Variants in TRHDE observed in about 807,000 individuals in gnomAD.
TRHDE encodes thyrotropin-releasing hormone-degrading ectoenzyme.
In TRHDE, 72 loss-of-function variants were observed where a neutral mutation model predicts 125.7. The ratio of observed to expected loss-of-function variants is 0.57; its 90% CI spans 0.47 to 0.70. The LOEUF (loss-of-function observed/expected upper bound fraction) is 0.70, where lower values mean the gene tolerates loss of function less well. Ranked by LOEUF, TRHDE falls within the 30% of genes least tolerant of loss-of-function variation. TRHDE has a pLI of 0.00. For synonymous variants in TRHDE, 509 were observed against 509.1 expected, an observed-to-expected ratio of 1.00 and a Z score of 0.00; for missense variants, 1,110 against 1,327.1, an observed-to-expected ratio of 0.84 and a Z score of 2.54.
chr12:72,651,068 C>T (rs1404581789), intron 15 of TRHDE, among the ~76,000 whole-genome samples: 3 of 152,074 alleles, frequency 2.0e-5, no homozygotes, highest in Non-Finnish European at 4.4e-5. Context: ...TCTGTGTTTC[C>T]TTTGTTTCAT....
At chr12:72,438,877 C>T (rs1874868125) in intron 3 of TRHDE, among the ~76,000 whole-genome samples, 1 of 151,732 alleles carries the variant, frequency 6.6e-6, no homozygotes, top group Non-Finnish European at 1.5e-5. Flanking sequence ...GAGCATTTCC[C>T]CTTTTAGTAG....
chr12:72,627,756 T>C (rs531206960), intron 15 of TRHDE, among the ~76,000 whole-genome samples: 1 of 151,830 alleles, frequency 6.6e-6, no homozygotes, highest in Non-Finnish European at 1.5e-5. Flanking sequence ...CATAAGTTAC[T>C]TCACCCTCAA....
chr12:72,342,156 T>G (rs914345536), intron 2 of TRHDE, among the ~76,000 whole-genome samples: 3 of 152,248 alleles, frequency 2.0e-5, no homozygotes, highest in Non-Finnish European at 4.4e-5. Flanking sequence ...CAAATTGTGT[T>G]TTACTGTTAT....
intron 3 of TRHDE, among the ~76,000 whole-genome samples, chr12:72,414,851 C>T (rs1179367191): frequency 6.6e-6 from 1 of 152,032 alleles, no homozygotes; most frequent in African/African-American, 2.4e-5. Context: ...ACAACATAGT[C>T]GTGATGGCAG....
intron 3 of TRHDE, among the ~76,000 whole-genome samples, chr12:72,425,109 T>A (rs554467726): frequency 6.6e-6 from 1 of 152,294 alleles, no homozygotes; most frequent in Non-Finnish European, 1.5e-5. Context: ...GATAGCTTTA[T>A]AAAAAGACCA....
rs541153699 is a variant in TRHDE, at chr12:72,363,617, G to C, written c.1189-14378G>C. 1.6e-4 allele frequency among the ~76,000 whole-genome samples: 25 copies of C among 152,024 alleles called. No homozygotes were observed. The South Asian group carries it at 3.7e-3, about 23-fold the overall frequency. On this transcript the variant is annotated intron_variant, in intron 2 of 18. Transcript: ENST00000261180. Reference sequence around the variant, plus strand: ...AATAAATTAGGTACTGATGGGACATGTCTCAAAATAATAAGAGCTATCTAT... The same window carrying C: ...AATAAATTAGGTACTGATGGGACATCTCTCAAAATAATAAGAGCTATCTAT...
At chr12:72,655,051 A>G (rs145720546) in intron 17 of TRHDE, among the ~76,000 whole-genome samples, 211 of 152,190 alleles carry the variant, frequency 1.4e-3, no homozygotes, top group Non-Finnish European at 2.4e-3. Context: ...GTATCAGTGT[A>G]TGGACTAATT....
At chr12:72,413,165 A>G (rs1288731984) in intron 3 of TRHDE, among the ~76,000 whole-genome samples, 1 of 152,082 alleles carries the variant, frequency 6.6e-6, no homozygotes, top group Non-Finnish European at 1.5e-5. Context: ...ACAAATCCAC[A>G]TAAGTGTCAG....
intron 2 of TRHDE, among the ~76,000 whole-genome samples, chr12:72,329,261 TA>T (rs1869473568): frequency 6.6e-6 from 1 of 152,220 alleles, no homozygotes; most frequent in South Asian, 2.1e-4. Flanking sequence ...ATTCATTGAA[TA>T]AACAGTAGTG....
intron 2 of TRHDE, among the ~76,000 whole-genome samples, chr12:72,125,233 T>C (rs1875685923): frequency 6.6e-6 from 1 of 152,186 alleles, no homozygotes; most frequent in Admixed American, 6.6e-5. Context: ...AATCGTTTTG[T>C]ATAGAGAGTT....
chr12:72,523,098 A>G (rs1773359737), intron 6 of TRHDE, among the ~76,000 whole-genome samples: 1 of 152,022 alleles, frequency 6.6e-6, no homozygotes, highest in Non-Finnish European at 1.5e-5. Flanking sequence ...AGAAGCCATG[A>G]TGTTGCTGGT....
chr12:72,121,886 G>C (rs1225979102), intron 2 of TRHDE, among the ~76,000 whole-genome samples: 1 of 152,044 alleles, frequency 6.6e-6, no homozygotes, highest in African/African-American at 2.4e-5. Flanking sequence ...CCAGATGCCT[G>C]TATAGGACCA....
intron 6 of TRHDE, among the ~76,000 whole-genome samples, chr12:72,514,118 A>G (rs1384724022): frequency 6.6e-6 from 1 of 151,506 alleles, no homozygotes; most frequent in African/African-American, 2.4e-5. Flanking sequence ...CAGACACCAT[A>G]CAGACACTAA....
intron 6 of TRHDE, among the ~76,000 whole-genome samples, chr12:72,529,605 A>G (rs780784035): frequency 1.4e-4 from 22 of 152,142 alleles, no homozygotes; most frequent in Non-Finnish European, 3.1e-4. Context: ...TCTATTATAC[A>G]CTACTGAAAT....
At chr12:72,574,512 T>C (rs1029382593) in intron 10 of TRHDE, among the ~76,000 whole-genome samples, 1 of 152,124 alleles carries the variant, frequency 6.6e-6, no homozygotes, top group Non-Finnish European at 1.5e-5. Context: ...AAAGGCTACA[T>C]GTGCAGTGAA....
chr12:72,347,837 G>A (rs1353360334), intron 2 of TRHDE, among the ~76,000 whole-genome samples: 1 of 151,996 alleles, frequency 6.6e-6, no homozygotes, highest in Non-Finnish European at 1.5e-5. Context: ...CTCAATCTTA[G>A]AATTGGCCTC....
chr12:72,236,698 A>G (rs1456699057), intron 2 of TRHDE, among the ~76,000 whole-genome samples: 1 of 152,200 alleles, frequency 6.6e-6, no homozygotes, highest in Non-Finnish European at 1.5e-5. Context: ...ACAAAATCCA[A>G]AAAACAGTAT....
chr12:72,093,274 C>G lies in TRHDE; in HGVS notation n.174+5835C>G, dbSNP rs144356691. Among the ~76,000 whole-genome samples the G allele has an allele frequency of 2.8e-3, 431 of 152,244 alleles. 1 individual carries two copies. Among genetic ancestry groups the G allele is most frequent in the African/African-American group, 0.01 (422 of 41,560 alleles). On this transcript the variant is annotated intron_variant and non_coding_transcript_variant, in intron 1 of 4. Transcript: ENST00000548156. ...TTTCCTTTTTGTCCTTGACTTCTGA[C>G]AATTTGACTGTAATTTGTCTTGCAG... is the stretch of plus-strand genomic sequence containing the variant.
chr12:72,383,012 G>A (rs1872253022), intron 3 of TRHDE, among the ~76,000 whole-genome samples: 1 of 152,168 alleles, frequency 6.6e-6, no homozygotes, highest in African/African-American at 2.4e-5. Flanking sequence ...AGACACTCCT[G>A]TATCATTGAT....
Sources: allele counts gnomAD v4.1 joint callset (sites outside exome capture counted in the v4.1 genomes callset), GRCh38; gene constraint gnomAD v4.1.1; transcripts MANE v1.5; gene names NCBI Gene and HGNC (gene_info 2026-07-23, HGNC 2026-07-21).